The following ASMTL variants were observed in gnomAD, a reference collection of about 807,000 sequenced individuals.
The protein encoded by ASMTL is acetylserotonin O-methyltransferase like.
Under a neutral mutation model 60.3 loss-of-function variants are expected in ASMTL, and 57 were observed. The observed-to-expected ratio is 0.95, with a 90% confidence interval of 0.76 to 1.18. ASMTL has a LOEUF of 1.18. Among genes scored for constraint, ASMTL ranks in the 50% most tolerant of loss-of-function variants. The probability of loss-of-function intolerance (pLI) is 0.00; values close to 1 mark genes in which losing one functional copy is unlikely to be tolerated. For synonymous variants in ASMTL, 419 were observed against 373.0 expected, an observed-to-expected ratio of 1.12 and a Z score of -1.42; for missense variants, 981 against 852.6, an observed-to-expected ratio of 1.15 and a Z score of -1.88.
At chrX:1,419,578 C>T (rs781077792) in intron 9 of ASMTL, among the ~76,000 whole-genome samples, 1 of 151,910 alleles carries the variant, frequency 6.6e-6, no homozygotes, top group Admixed American at 6.6e-5. Flanking sequence ...AGAAGCTCCT[C>T]CGAGCTTCTC....
rs187491354 is a variant in ASMTL at position 1,445,484 on chromosome X, G to A, written c.94-3167C>T. On this transcript the variant is annotated intron_variant, in intron 1 of 12. Transcript: ENST00000381317. ...ACTACATAATGACAGCAGATGGCCC[G>A]AACATAGCACCTTTAACTTGCAAAT... Among the ~76,000 whole-genome samples, 280 of 152,116 alleles carry A rather than the reference G, an allele frequency of 1.8e-3. 1 individual carries two copies. Among genetic ancestry groups the A allele is most frequent in the African/African-American group, 6.3e-3 (261 of 41,504 alleles).
chrX:1,420,838 G>A (rs1454752028), intron 9 of ASMTL, among the ~76,000 whole-genome samples: 2 of 152,160 alleles, frequency 1.3e-5, no homozygotes, highest in Non-Finnish European at 2.9e-5. Context: ...CTGTCACCCG[G>A]GCTGGAGTGC....
chrX:1,416,414 C>G (rs56651438), intron 11 of ASMTL, among the ~76,000 whole-genome samples: 6,771 of 45,056 alleles, frequency 0.15, 1,781 homozygotes, highest in Non-Finnish European at 0.27. Context: ...TACAGATACA[C>G]CAACAGACAG....
chrX:1,441,316 G>T (rs560700551), intron 2 of ASMTL, among the ~76,000 whole-genome samples: 3 of 152,072 alleles, frequency 2.0e-5, no homozygotes, highest in Non-Finnish European at 2.9e-5. Flanking sequence ...TTGCTCTGTT[G>T]CCTAAGTTGG....
chrX:1,440,031 ACTC>A (rs2091068787), intron 2 of ASMTL, among the ~76,000 whole-genome samples: 1 of 145,942 alleles, frequency 6.9e-6, no homozygotes, highest in Non-Finnish European at 1.5e-5. Flanking sequence ...CACAATCAAT[ACTC>A]CTGTCTTGAT....
At chrX:1,410,975 T>G (rs1222517989) in intron 12 of ASMTL, among the ~76,000 whole-genome samples, 1 of 151,420 alleles carries the variant, frequency 6.6e-6, no homozygotes, top group Non-Finnish European at 1.5e-5. Flanking sequence ...CACCCGAGGT[T>G]GGGAGTTCGA....
At chrX:1,427,375 C>T (rs1430052582) in intron 7 of ASMTL, among the ~76,000 whole-genome samples, 1 of 151,786 alleles carries the variant, frequency 6.6e-6, no homozygotes, top group Non-Finnish European at 1.5e-5. Context: ...GGGGTCTTGG[C>T]AGATGTAATT....
chrX:1,447,756 A>G (rs2091259859), intron 1 of ASMTL, among the ~76,000 whole-genome samples: 1 of 138,694 alleles, frequency 7.2e-6, no homozygotes, highest in Non-Finnish European at 1.5e-5. Flanking sequence ...TTTGACACAC[A>G]CCACCATCTT....
intron 11 of ASMTL, among the ~76,000 whole-genome samples, chrX:1,416,894 C>T (rs1232916395): frequency 2.6e-5 from 4 of 150,974 alleles, no homozygotes; most frequent in Non-Finnish European, 3.0e-5. Flanking sequence ...GACACACATA[C>T]CCTCAGAGAC....
intron 3 of ASMTL, among the ~76,000 whole-genome samples, chrX:1,436,528 A>AT (rs1461268944): frequency 9.9e-5 from 15 of 151,990 alleles, no homozygotes; most frequent in Non-Finnish European, 2.2e-4. Flanking sequence ...AATTTTTTGT[A>AT]TTTTTAGTAG....
intron 10 of ASMTL, among the ~76,000 whole-genome samples, chrX:1,418,673 G>T (rs1290526728): frequency 2.0e-5 from 3 of 152,064 alleles, no homozygotes; most frequent in African/African-American, 7.2e-5. Flanking sequence ...CAGGGCTGGG[G>T]TGGGGTGGAG....
chrX:1,425,409 C>G lies in ASMTL; in HGVS notation c.1060+116G>C, dbSNP rs1485212244. ...TCGGGAAAAGCAGCATTCCTGAGGGCAGAGGGACAGAAGGTGTGGGCCTCC... is the reference window on the plus strand; with the variant it reads ...TCGGGAAAAGCAGCATTCCTGAGGGGAGAGGGACAGAAGGTGTGGGCCTCC... On this transcript the variant is annotated intron_variant, in intron 8 of 12. Coordinates refer to ENST00000381317, the MANE Select transcript of ASMTL (RefSeq NM_004192.4). 3 of 1,195,506 alleles carry G rather than the reference C, an allele frequency of 2.5e-6. No individual in the cohort carries two copies. In the Admixed American group the frequency reaches 7.8e-5, roughly 31 times the overall value. The allele number at this position is 1,195,506 out of a possible 1,614,324, so 74.1% of individuals were successfully genotyped here.
In ASMTL at chrX:1,452,798, C is replaced by G; in HGVS notation, c.43G>C (p.Val15Leu). The change falls in exon 1 of 13, where the codon GTG (valine) becomes CTG (leucine). Residue 15 changes from valine to leucine, a missense_variant. Val to Leu is a conservative substitution (Grantham distance 32, BLOSUM62 1). Coordinates refer to ENST00000381317, the MANE Select transcript of ASMTL (RefSeq NM_004192.4). ...PVIGKLLHKR[V>L]VLASASPRRQ... is the part of the protein sequence containing the mutation. Reference sequence around the variant, plus strand: ...CGTGGGGAGGCGCTGGCCAGCACCACGCGCTTGTGCAGCAGCTTCCCAATC... The same window carrying G: ...CGTGGGGAGGCGCTGGCCAGCACCAGGCGCTTGTGCAGCAGCTTCCCAATC... 2 of 1,596,952 alleles carry G rather than the reference C, an allele frequency of 1.3e-6. No individual in the cohort carries two copies. Among genetic ancestry groups the G allele is most frequent in the South Asian group, 1.1e-5 (1 of 89,748 alleles).
At chrX:1,441,166 ATAC>A (rs1479737689) in intron 2 of ASMTL, among the ~76,000 whole-genome samples, 2 of 152,212 alleles carry the variant, frequency 1.3e-5, no homozygotes, top group African/African-American at 2.4e-5. Flanking sequence ...ATCATAAATG[ATAC>A]TATTATATTA....
intron 2 of ASMTL, chrX:1,441,618 T>C (rs1485472990): frequency 5.9e-5 from 9 of 152,578 alleles, no homozygotes; most frequent in African/African-American, 2.2e-4. Flanking sequence ...GCTACATTAA[T>C]TCTATATCAT....
intron 11 of ASMTL, chrX:1,413,981 T>C (rs1308626260): frequency 6.6e-6 from 1 of 151,238 alleles, no homozygotes; most frequent in Non-Finnish European, 1.5e-5. Flanking sequence ...CCCCAGAACC[T>C]GGGAATGGGA....
At chrX:1,451,459 CT>C (rs1418783368) in intron 1 of ASMTL, among the ~76,000 whole-genome samples, 1 of 148,600 alleles carries the variant, frequency 6.7e-6, no homozygotes, top group Non-Finnish European at 1.5e-5. Flanking sequence ...CTCCCTCATC[CT>C]TTTGGGTCCC....
chrX:1,410,637 C>G (rs1169468034), intron 12 of ASMTL, among the ~76,000 whole-genome samples: 1 of 152,026 alleles, frequency 6.6e-6, no homozygotes, highest in East Asian at 1.9e-4. Flanking sequence ...TGGTCTCGAA[C>G]TCCTGACCTC....
chrX:1,422,356 G>A (rs1289671002), intron 8 of ASMTL, among the ~76,000 whole-genome samples: 2 of 152,202 alleles, frequency 1.3e-5, no homozygotes, highest in Admixed American at 1.3e-4. Context: ...GATGGCAGCA[G>A]CAGCTCCTGC....
Sources: allele counts gnomAD v4.1 joint callset (sites outside exome capture counted in the v4.1 genomes callset), GRCh38; gene constraint gnomAD v4.1.1; transcripts MANE v1.5; gene names NCBI Gene and HGNC (gene_info 2026-07-23, HGNC 2026-07-21).